Variants in AKR1C2 observed in about 807,000 individuals in gnomAD.
AKR1C2 encodes aldo-keto reductase family 1 member C2.
Under a neutral mutation model 39.8 loss-of-function variants are expected in AKR1C2, and 27 were observed. The ratio of observed to expected loss-of-function variants is 0.68; its 90% CI spans 0.50 to 0.93. The LOEUF is 0.93. Ranked by LOEUF, AKR1C2 falls within the 40% of genes least tolerant of loss-of-function variation. The pLI, the probability that AKR1C2 is intolerant of heterozygous loss-of-function variation, is 0.00. For synonymous variants in AKR1C2, 114 were observed against 137.9 expected (o/e 0.83, Z 1.22); for missense variants, 263 against 365.1 (o/e 0.72, Z 2.28).
chr10:4,997,453 C>A (rs1298323013), intron 5 of AKR1C2: 1 of 179,784 alleles, frequency 5.6e-6, no homozygotes, highest in Non-Finnish European at 1.2e-5. Context: ...ATCTTCATTC[C>A]TGTGACATGC....
chr10:5,001,011 A>G (rs1554773784), intron 2 of AKR1C2, among the ~76,000 whole-genome samples: 2 of 152,244 alleles, frequency 1.3e-5, no homozygotes. Flanking sequence ...AATGGGCAAG[A>G]CTAAGTATCT....
intron 4 of AKR1C2, 63 bp from the exon 5 acceptor site, chr10:4,998,810 CAT>C (rs1837155412): frequency 6.2e-7 from 1 of 1,602,692 alleles, no homozygotes; most frequent in Non-Finnish European, 8.5e-7. Flanking sequence ...ATAAATGTAA[CAT>C]AGAACTGTGA....
At chr10:5,013,305 T>A (rs1837561569) in intron 1 of AKR1C2, 1 of 152,250 alleles carries the variant, frequency 6.6e-6, no homozygotes, top group Non-Finnish European at 1.5e-5. Flanking sequence ...TCTGATTCTA[T>A]TTCTGAACAA....
intron 5 of AKR1C2, among the ~76,000 whole-genome samples, chr10:4,996,544 T>C (rs1262359652): frequency 1.6e-5 from 2 of 127,836 alleles, no homozygotes; most frequent in Non-Finnish European, 3.3e-5. Flanking sequence ...ATTATATATA[T>C]ATAATATATA....
intron 1 of AKR1C2, among the ~76,000 whole-genome samples, chr10:5,014,713 T>G (rs1257418392): frequency 1.3e-5 from 2 of 152,206 alleles, no homozygotes; most frequent in African/African-American, 4.8e-5. Flanking sequence ...TAGATTGGAA[T>G]TCCTGTGCTG....
intron 1 of AKR1C2, 24 bp from the exon 2 acceptor site, chr10:5,001,705 A>G: frequency 6.2e-7 from 1 of 1,613,156 alleles, no homozygotes; most frequent in Non-Finnish European, 8.5e-7. Context: ...CAAACGTAAT[A>G]TTTTCTGACT....
intron 5 of AKR1C2, among the ~76,000 whole-genome samples, chr10:4,998,063 C>A (rs1837122908): frequency 6.6e-6 from 1 of 152,228 alleles, no homozygotes; most frequent in Admixed American, 6.5e-5. Context: ...TCTCCATAAA[C>A]AGGTCATTTT....
chr10:5,017,127 A>C (rs1223429812), intron 1 of AKR1C2, among the ~76,000 whole-genome samples: 1 of 152,198 alleles, frequency 6.6e-6, no homozygotes, highest in Non-Finnish European at 1.5e-5. Flanking sequence ...AGGTCTCTGA[A>C]ATACCTTGGA....
At chr10:4,999,965 T>C (rs1360984907) in intron 3 of AKR1C2, 41 of 1,002,460 alleles carry the variant, frequency 4.1e-5, no homozygotes, top group Non-Finnish European at 4.9e-5. Flanking sequence ...TATACCCTTT[T>C]GCATTAACTA....
At chr10:4,998,839 G>C in intron 4 of AKR1C2, 92 bp from the exon 5 acceptor site, 1 of 1,555,918 alleles carries the variant, frequency 6.4e-7, no homozygotes, top group Non-Finnish European at 8.7e-7. Context: ...CAACTGTCTA[G>C]ACGTGACAAT....
chr10:4,992,344 T>G (rs1327848409), intron 7 of AKR1C2, among the ~76,000 whole-genome samples: 1 of 152,228 alleles, frequency 6.6e-6, no homozygotes, highest in African/African-American at 2.4e-5. Context: ...GTTTTCAACA[T>G]CACTCAAGCC....
intron 1 of AKR1C2, among the ~76,000 whole-genome samples, chr10:5,009,627 T>C (rs74366918): frequency 0.15 from 22,744 of 151,404 alleles, 2,030 homozygotes; most frequent in South Asian, 0.24. Context: ...CCCCCACCTT[T>C]AAGCCTGGAT....
At chr10:5,002,297 C>G (rs782265301) in intron 1 of AKR1C2, among the ~76,000 whole-genome samples, 3 of 152,192 alleles carry the variant, frequency 2.0e-5, no homozygotes, top group African/African-American at 4.8e-5. Context: ...TTTACACAAA[C>G]AGTTACGTAG....
intron 3 of AKR1C2, 43 bp downstream of exon 3, chr10:5,000,507 T>C (rs1554773721): frequency 3.1e-6 from 5 of 1,613,578 alleles, no homozygotes; most frequent in Non-Finnish European, 4.2e-6. Context: ...ATATTTATGC[T>C]GAGAACAAAA....
chr10:5,013,377 C>A (rs2131729454), intron 1 of AKR1C2: 1 of 152,388 alleles, frequency 6.6e-6, no homozygotes, highest in South Asian at 2.1e-4. Flanking sequence ...TCATGGCTAG[C>A]CTTTGACATT....
In AKR1C2 at chr10:4,989,203, A is replaced by T. The variant is rs2131664593; in HGVS notation, c.*793T>A. ...TATCTTCGATGTCCTGCCCCACCACAAACCAATAGGGTCAACGTTGTGAAT... is the reference window on the plus strand; with the variant it reads ...TATCTTCGATGTCCTGCCCCACCACTAACCAATAGGGTCAACGTTGTGAAT... On this transcript the variant is annotated 3_prime_UTR_variant, in exon 9 of 9. Coordinates refer to ENST00000380753, the MANE Select transcript of AKR1C2 (RefSeq NM_001393392.1). The T allele has an allele frequency of 6.6e-6, 1 of 152,336 alleles. No homozygotes were observed. The highest frequency in any genetic ancestry group is 6.5e-5 in the Admixed American group (1 of 15,306). 9.4% of individuals were successfully genotyped at this position (152,336 alleles called of 1,614,324 possible).
At chr10:4,991,182 C>T (rs376246990) in intron 8 of AKR1C2, among the ~76,000 whole-genome samples, 1 of 151,170 alleles carries the variant, frequency 6.6e-6, no homozygotes, top group African/African-American at 2.5e-5. Flanking sequence ...TTAACACTTC[C>T]TCATTCTCTA....
chr10:5,014,950 T>G (rs1415121092), intron 1 of AKR1C2: 1 of 152,270 alleles, frequency 6.6e-6, no homozygotes, highest in East Asian at 1.9e-4. Flanking sequence ...CTCAGCCTTT[T>G]GCACAGAAGT....
At chr10:5,014,355 G>T (rs1452369289) in intron 1 of AKR1C2, among the ~76,000 whole-genome samples, 9 of 152,136 alleles carry the variant, frequency 5.9e-5, no homozygotes, top group African/African-American at 1.9e-4. Flanking sequence ...TAGCACAAAG[G>T]TCTCACTGTT....
Sources: gnomAD v4.1 joint callset for allele counts (sites outside exome capture counted in the v4.1 genomes callset) on GRCh38, gnomAD v4.1.1 for gene constraint, MANE v1.5 for transcripts, NCBI Gene and HGNC (gene_info 2026-07-23, HGNC 2026-07-21) for gene names.